The following FAM185A variants were observed in gnomAD, a reference collection of about 807,000 sequenced individuals.
FAM185A encodes the protein protein FAM185A.
Under a neutral mutation model 45.7 loss-of-function variants are expected in FAM185A, and 21 were observed. That is an observed-to-expected ratio of 0.46 (90% CI 0.33 to 0.66). The LOEUF (loss-of-function observed/expected upper bound fraction) is 0.66, where lower values mean the gene tolerates loss of function less well. Ranked by LOEUF, FAM185A falls within the 30% of genes least tolerant of loss-of-function variation. The pLI is 0.03. For synonymous variants in FAM185A, 117 were observed against 194.0 expected, an observed-to-expected ratio of 0.60 and a Z score of 3.30; for missense variants, 305 against 485.4, an observed-to-expected ratio of 0.63 and a Z score of 3.49.
rs539253127 is a variant in FAM185A at position 102,785,420 on chromosome 7, C to T, written c.932-1915C>T. Among the ~76,000 whole-genome samples the T allele has an allele frequency of 6.6e-5, 10 of 151,636 alleles. 1 individual carries two copies. In the East Asian group the frequency reaches 1.7e-3, roughly 27 times the overall value. ...AAGCTGGAGGCATCACGCTACCTGA[C>T]TTCAAACTATACTACAAGGCTACAG... On this transcript the variant is annotated intron_variant, in intron 6 of 7. Transcript: ENST00000413034.
At chr7:102,826,589 A>C in the FAM185A span, among the ~76,000 whole-genome samples, 1 of 150,688 alleles carries the variant, frequency 6.6e-6, no homozygotes, top group East Asian at 1.9e-4. Flanking sequence ...TACAAAAATT[A>C]GCTGGGTATG....
chr7:102,749,439 C>A lies in FAM185A; in HGVS notation c.232C>A (p.Arg78=). 1.3e-6 allele frequency: 2 copies of A among 1,547,896 alleles called. No individual in the cohort carries two copies. The highest frequency in any genetic ancestry group is 1.7e-6 in the Non-Finnish European group (2 of 1,146,156). The change falls in exon 1 of 8, where the codon CGG becomes AGG. Residue 78 remains arginine (R), a synonymous_variant. Transcript: ENST00000413034. ...TLQVSPFGRL[R]ARLPCHLAVR... ...GCAGGTGAGCCCGTTTGGTCGGCTG[C>A]GGGCGCGGCTCCCGTGCCACCTGGC...
the FAM185A span, among the ~76,000 whole-genome samples, chr7:102,818,061 C>G: frequency 6.6e-6 from 1 of 152,224 alleles, no homozygotes; most frequent in Non-Finnish European, 1.5e-5. Flanking sequence ...CAGGGTTAGC[C>G]CTGTAGTAAC....
the FAM185A span, among the ~76,000 whole-genome samples, chr7:102,820,067 T>C: frequency 6.6e-6 from 1 of 152,234 alleles, no homozygotes; most frequent in Non-Finnish European, 1.5e-5. Flanking sequence ...GGAGCTTTAC[T>C]AGTCCAAACA....
intron 2 of FAM185A, chr7:102,755,588 G>A: frequency 1.6e-6 from 1 of 631,838 alleles, no homozygotes; most frequent in South Asian, 1.7e-5. Flanking sequence ...TGGATAACAA[G>A]AAAGCTCCGC....
chr7:102,848,949 G>A, the FAM185A span, among the ~76,000 whole-genome samples: 3 of 152,046 alleles, frequency 2.0e-5, no homozygotes, highest in South Asian at 2.1e-4. Flanking sequence ...GCAGTGAGTC[G>A]AGATCGTGCC....
At chr7:102,764,023 C>A (rs2129434628) in intron 4 of FAM185A, among the ~76,000 whole-genome samples, 1 of 152,310 alleles carries the variant, frequency 6.6e-6, no homozygotes, top group Non-Finnish European at 1.5e-5. Flanking sequence ...TGCCTCAATG[C>A]AAAGAACTCT....
intron 6 of FAM185A, among the ~76,000 whole-genome samples, chr7:102,784,649 C>T (rs575122743): frequency 1.2e-3 from 188 of 152,242 alleles, no homozygotes; most frequent in Middle Eastern, 3.4e-3. Context: ...ATGCTAAAAA[C>T]TCTCAATAAA....
At chr7:102,758,426 GCTTTT>G (rs1250162015) in intron 3 of FAM185A, among the ~76,000 whole-genome samples, 17 of 95,890 alleles carry the variant, frequency 1.8e-4, no homozygotes, top group South Asian at 3.4e-4. Flanking sequence ...TGCTCTCACA[GCTTTT>G]TTTTTTTTTT....
chr7:102,760,576 C>G (rs1009774232), intron 3 of FAM185A, among the ~76,000 whole-genome samples: 1 of 151,888 alleles, frequency 6.6e-6, no homozygotes, highest in Non-Finnish European at 1.5e-5. Context: ...TGTCCTTAAT[C>G]TGATAAAAAT....
At chr7:102,780,947 C>T (rs1366759431) in intron 6 of FAM185A, among the ~76,000 whole-genome samples, 4 of 152,158 alleles carry the variant, frequency 2.6e-5, no homozygotes, top group Non-Finnish European at 5.9e-5. Flanking sequence ...CCTGGAAAAT[C>T]GGGTCACTCC....
chr7:102,822,286 T>C, the FAM185A span: 36 of 1,264,984 alleles, frequency 2.8e-5, no homozygotes, highest in African/African-American at 4.3e-4. Context: ...TGGGCAACTA[T>C]AATAAACTAC....
In FAM185A at chr7:102,789,051, A is replaced by G. The variant is rs1385347959; in HGVS notation, c.1066+1582A>G. ...CATTACTACTATAGACTTTATAAAC[A>G]CTGTACAGTTAGGCTACACTAAATT... On this transcript the variant is annotated intron_variant, in intron 7 of 7. Transcript: ENST00000413034. Among the ~76,000 whole-genome samples the G allele has an allele frequency of 2.0e-5, 3 of 152,288 alleles. No individual in the cohort carries two copies. In the East Asian group the frequency reaches 5.8e-4, roughly 29 times the overall value.
At chr7:102,781,699 G>C (rs1052321791) in intron 6 of FAM185A, among the ~76,000 whole-genome samples, 1 of 152,132 alleles carries the variant, frequency 6.6e-6, no homozygotes, top group African/African-American at 2.4e-5. Context: ...AAAACCACAA[G>C]ATGGGGAAAA....
intron 7 of FAM185A, among the ~76,000 whole-genome samples, chr7:102,797,391 A>G (rs1260341539): frequency 6.6e-6 from 1 of 151,926 alleles, no homozygotes; most frequent in Non-Finnish European, 1.5e-5. Context: ...GAGGAGAATC[A>G]TTTGAACTTG....
At chr7:102,813,345 C>T (rs747922312), downstream of FAM185A, 38 of 1,603,744 alleles carry the variant, frequency 2.4e-5, no homozygotes, top group South Asian at 1.9e-4. Flanking sequence ...CTGAAGGTCA[C>T]GCTGCTTGGT....
intron 7 of FAM185A, among the ~76,000 whole-genome samples, chr7:102,795,790 T>C (rs1796409502): frequency 6.6e-6 from 1 of 151,646 alleles, no homozygotes; most frequent in Admixed American, 6.6e-5. Flanking sequence ...TGAGCACCAC[T>C]CTATAATTGC....
intron 1 of FAM185A, 114 bp from the exon 2 acceptor site, chr7:102,751,578 T>G: frequency 7.6e-7 from 1 of 1,311,928 alleles, no homozygotes; most frequent in South Asian, 1.8e-5. Flanking sequence ...AGTATGCACT[T>G]TCCAGGATTC....
At chr7:102,749,779 C>T in intron 1 of FAM185A, 121 bp downstream of exon 1, 4 of 1,444,258 alleles carry the variant, frequency 2.8e-6, no homozygotes, top group Non-Finnish European at 3.6e-6. Flanking sequence ...ACAGTTGGCC[C>T]CTTCGGAAAT....
Sources: allele counts gnomAD v4.1 joint callset (sites outside exome capture counted in the v4.1 genomes callset), GRCh38; gene constraint gnomAD v4.1.1; transcripts MANE v1.5; gene names NCBI Gene and HGNC (gene_info 2026-07-23, HGNC 2026-07-21).